Variants in EIF4B observed in about 807,000 individuals in gnomAD.
EIF4B encodes eukaryotic translation initiation factor 4B.
EIF4B carries 8 observed loss-of-function variants against 79.3 expected under a neutral mutation model. That is an observed-to-expected ratio of 0.10 (90% confidence interval 0.06 to 0.18). The LOEUF (loss-of-function observed/expected upper bound fraction) is 0.18. EIF4B is among the 10% of genes least tolerant of loss of function. The pLI, the probability that EIF4B is intolerant of heterozygous loss-of-function variation, is 1.00. For missense variants in EIF4B, 515 were observed against 792.4 expected (o/e 0.65, Z 4.20); for synonymous variants, 238 against 274.7 (o/e 0.87, Z 1.32).
intron 4 of EIF4B, 94 bp from the exon 5 acceptor site, chr12:53,021,712 C>A: frequency 7.2e-7 from 1 of 1,392,884 alleles, no homozygotes; most frequent in Non-Finnish European, 1.0e-6. Flanking sequence ...CTTCCTTCCC[C>A]TAGTGCTTCT....
intron 6 of EIF4B, among the ~76,000 whole-genome samples, chr12:53,025,026 A>G (rs186422267): frequency 5.3e-5 from 8 of 152,280 alleles, no homozygotes; most frequent in Admixed American, 5.2e-4. Context: ...AGTAAGGGAT[A>G]TGTATAATTC....
At chr12:53,016,323 A>T in intron 1 of EIF4B, 150 bp from the exon 2 acceptor site, 3 of 999,244 alleles carry the variant, frequency 3.0e-6, no homozygotes, top group Non-Finnish European at 4.3e-6. Flanking sequence ...TTATGTCTGC[A>T]TAGTACCCCT....
intron 1 of EIF4B, among the ~76,000 whole-genome samples, chr12:53,007,051 G>A (rs1380371867): frequency 6.6e-6 from 1 of 152,188 alleles, no homozygotes; most frequent in Non-Finnish European, 1.5e-5. Flanking sequence ...GTAGAGACGG[G>A]CGCGCCTTCA....
intron 8 of EIF4B, among the ~76,000 whole-genome samples, chr12:53,031,670 T>C (rs1456036567): frequency 1.3e-5 from 2 of 152,386 alleles, no homozygotes; most frequent in Non-Finnish European, 2.9e-5. Context: ...ATTTAAAATA[T>C]GTTTAGGAAC....
Position 53,033,790 on chromosome 12 carries a change from G to A in EIF4B, c.980-16G>A. The A allele has an allele frequency of 6.4e-7, 1 of 1,569,750 alleles. No individual in the cohort carries two copies. The highest frequency in any genetic ancestry group is 8.6e-7 in the Non-Finnish European group (1 of 1,160,124). ...GGTGATTGGAAAACTATTACTTAAA[G>A]TTTCATTTAACTTAGGTCCCCCCCA... On this transcript the variant is annotated splice_polypyrimidine_tract_variant and intron_variant, in intron 8 of 14. Coordinates refer to ENST00000262056, the MANE Select transcript of EIF4B (RefSeq NM_001417.7).
intron 10 of EIF4B, among the ~76,000 whole-genome samples, chr12:53,035,374 TTC>T (rs1565592639): frequency 3.7e-5 from 5 of 133,978 alleles, no homozygotes; most frequent in Admixed American, 7.7e-5. Context: ...TTTATTTATT[TTC>T]TTTTTTTTTT....
intron 6 of EIF4B, among the ~76,000 whole-genome samples, chr12:53,027,391 C>T (rs1943355360): frequency 6.6e-6 from 1 of 151,438 alleles, no homozygotes; most frequent in South Asian, 2.1e-4. Context: ...CTCGGGCTCC[C>T]AAAGTGCTGC....
At chr12:53,009,786 T>G (rs1943033821) in intron 1 of EIF4B, among the ~76,000 whole-genome samples, 4 of 152,184 alleles carry the variant, frequency 2.6e-5, no homozygotes, top group Non-Finnish European at 5.9e-5. Context: ...AGGCCAAAAT[T>G]AAAACTCTTT....
At chr12:53,022,310 A>G (rs746551964) in intron 5 of EIF4B, 183 bp from the exon 6 acceptor site, 4 of 814,960 alleles carry the variant, frequency 4.9e-6, no homozygotes, top group Non-Finnish European at 6.2e-6. Flanking sequence ...ATAGGAAAAA[A>G]CGGGAGGAAA....
At chr12:53,027,126 A>AG (rs1943347793) in intron 6 of EIF4B, among the ~76,000 whole-genome samples, 1 of 22,734 alleles carries the variant, frequency 4.4e-5, no homozygotes, top group Non-Finnish European at 2.2e-4. Context: ...TGTCTCTCAA[A>AG]AAAAAAAAAA....
At chr12:53,033,491 C>T (rs889001278) in intron 8 of EIF4B, among the ~76,000 whole-genome samples, 18 of 151,940 alleles carry the variant, frequency 1.2e-4, no homozygotes, top group Admixed American at 9.8e-4. Flanking sequence ...TACAGGTGCG[C>T]GCCCCAACGC....
intron 2 of EIF4B, among the ~76,000 whole-genome samples, chr12:53,016,961 T>A (rs1424024099): frequency 2.6e-5 from 4 of 152,134 alleles, no homozygotes; most frequent in Non-Finnish European, 5.9e-5. Flanking sequence ...CCTCATAAAG[T>A]GATGTTTCAG....
At chr12:53,022,673 C>T in intron 6 of EIF4B, 46 bp downstream of exon 6, 1 of 1,590,122 alleles carries the variant, frequency 6.3e-7, no homozygotes, top group Non-Finnish European at 8.6e-7. Context: ...CTTTGGGAGG[C>T]TATTTAGTAA....
chr12:53,022,417 G>T (rs1943260527), intron 5 of EIF4B, 76 bp from the exon 6 acceptor site: 5 of 1,588,292 alleles, frequency 3.1e-6, no homozygotes, highest in Non-Finnish European at 4.3e-6. Context: ...GTAAAATGGG[G>T]GTTTTCTATG....
chr12:53,025,788 ATTAT>A (rs1943322926), intron 6 of EIF4B, among the ~76,000 whole-genome samples: 1 of 152,154 alleles, frequency 6.6e-6, no homozygotes, highest in Non-Finnish European at 1.5e-5. Context: ...AAATGAAATC[ATTAT>A]TTAAAAGACA....
At chr12:53,029,928 A>T (rs1943405763) in intron 8 of EIF4B, among the ~76,000 whole-genome samples, 2 of 9,410 alleles carry the variant, frequency 2.1e-4, no homozygotes, top group South Asian at 8.8e-3. Flanking sequence ...TGTTTTTTTT[A>T]AAAAAAACTT....
intron 1 of EIF4B, among the ~76,000 whole-genome samples, chr12:53,009,409 G>A (rs771695833): frequency 6.6e-6 from 1 of 151,874 alleles, no homozygotes; most frequent in Non-Finnish European, 1.5e-5. Flanking sequence ...GGTGGCTCAC[G>A]CCTGTAATCC....
chr12:53,016,033 AG>A (rs1943144292), intron 1 of EIF4B, among the ~76,000 whole-genome samples: 1 of 151,984 alleles, frequency 6.6e-6, no homozygotes, highest in Non-Finnish European at 1.5e-5. Context: ...TTTGTTTACA[AG>A]TGTCAAAACA....
At chr12:53,023,359 A>G (rs560425965) in intron 6 of EIF4B, among the ~76,000 whole-genome samples, 4 of 151,938 alleles carry the variant, frequency 2.6e-5, no homozygotes, top group Non-Finnish European at 4.4e-5. Flanking sequence ...CAGCCTCCCA[A>G]GTAGCTGGGA....
Sources: allele counts gnomAD v4.1 joint callset (sites outside exome capture counted in the v4.1 genomes callset), GRCh38; gene constraint gnomAD v4.1.1; transcripts MANE v1.5; gene names NCBI Gene and HGNC (gene_info 2026-07-23, HGNC 2026-07-21).